HUNK: variants seen among roughly 807,000 people sequenced by gnomAD.
HUNK encodes the protein hormonally up-regulated neu tumor-associated kinase.
HUNK carries 21 observed loss-of-function variants against 61.0 expected under a neutral mutation model. The ratio of observed to expected loss-of-function variants is 0.34; its 90% CI spans 0.24 to 0.50. The LOEUF (loss-of-function observed/expected upper bound fraction) is 0.50, where lower values mean the gene tolerates loss of function less well. Ranked by LOEUF, HUNK falls within the 20% of genes least tolerant of loss-of-function variation. The pLI is 0.98. For missense variants in HUNK, 772 were observed against 945.7 expected (o/e 0.82, Z 2.41); for synonymous variants, 371 against 386.1 (o/e 0.96, Z 0.46).
intron 4 of HUNK, among the ~76,000 whole-genome samples, chr21:31,955,435 A>G (rs1390608212): frequency 2.6e-5 from 4 of 151,724 alleles, no homozygotes; most frequent in Non-Finnish European, 4.4e-5. Context: ...CGAAAAAAAA[A>G]AAAAAAATAG....
chr21:31,947,453 G>C (rs752510397), intron 4 of HUNK, among the ~76,000 whole-genome samples: 3 of 152,252 alleles, frequency 2.0e-5, no homozygotes, highest in African/African-American at 4.8e-5. Flanking sequence ...CTGCCAGGGA[G>C]TCCCCCGTAC....
chr21:31,917,513 C>A (rs1309170755), intron 1 of HUNK, among the ~76,000 whole-genome samples: 1 of 152,144 alleles, frequency 6.6e-6, no homozygotes, highest in Non-Finnish European at 1.5e-5. Flanking sequence ...TGCTACTAAT[C>A]TTCTTGGAAA....
At chr21:31,960,691 A>C (rs1021421728) in intron 5 of HUNK, among the ~76,000 whole-genome samples, 1 of 152,172 alleles carries the variant, frequency 6.6e-6, no homozygotes, top group Non-Finnish European at 1.5e-5. Flanking sequence ...AATCCTATTT[A>C]TAAAACCATC....
chr21:31,979,597 G>A (rs1164437218), intron 7 of HUNK, among the ~76,000 whole-genome samples: 3 of 128,664 alleles, frequency 2.3e-5, no homozygotes, highest in African/African-American at 8.9e-5. Flanking sequence ...CTCACTGCAA[G>A]CTCCGCCTCC....
chr21:31,892,107 TG>T (rs1421314960), intron 1 of HUNK, among the ~76,000 whole-genome samples: 6 of 141,286 alleles, frequency 4.2e-5, no homozygotes, highest in Admixed American at 3.7e-4. Context: ...ATCTGCAAAA[TG>T]GTGACAAAGA....
At chr21:31,915,604 T>C (rs757714398) in intron 1 of HUNK, among the ~76,000 whole-genome samples, 10 of 152,198 alleles carry the variant, frequency 6.6e-5, no homozygotes, top group Non-Finnish European at 1.3e-4. Context: ...CCATTTTACA[T>C]CTGACTTCTC....
chr21:31,909,611 A>G (rs976048169), intron 1 of HUNK, among the ~76,000 whole-genome samples: 1 of 152,216 alleles, frequency 6.6e-6, no homozygotes, highest in Admixed American at 6.5e-5. Flanking sequence ...GCCAGTGGGG[A>G]GCCAGGGGTC....
intron 7 of HUNK, 34 bp downstream of exon 7, chr21:31,974,751 G>C (rs896158217): frequency 9.0e-6 from 14 of 1,552,838 alleles, no homozygotes; most frequent in Non-Finnish European, 1.2e-5. Flanking sequence ...CGTCTCTGCT[G>C]TCTGTGGAAA....
At chr21:31,984,978 C>A (rs141992867) in intron 8 of HUNK, among the ~76,000 whole-genome samples, 2 of 152,132 alleles carry the variant, frequency 1.3e-5, no homozygotes, top group Non-Finnish European at 2.9e-5. Context: ...AGCAAAGTCA[C>A]GTCTTACATG....
chr21:31,890,136 T>G (rs2052375730), intron 1 of HUNK, among the ~76,000 whole-genome samples: 1 of 152,182 alleles, frequency 6.6e-6, no homozygotes, highest in South Asian at 2.1e-4. Flanking sequence ...AGTTGCCATC[T>G]AAATCATGGC....
chr21:31,968,842 TTGTGTGTG>T (rs56695834), intron 6 of HUNK, among the ~76,000 whole-genome samples: 23,828 of 140,456 alleles, frequency 0.17, 2,145 homozygotes, highest in South Asian at 0.27. Context: ...GTGTGTAAAT[TTGTGTGTG>T]TGTGTGTGTG....
At chr21:31,927,612 C>A (rs1033025787) in intron 2 of HUNK, among the ~76,000 whole-genome samples, 14 of 151,970 alleles carry the variant, frequency 9.2e-5, no homozygotes, top group African/African-American at 3.4e-4. Context: ...CCACTGCACT[C>A]CAGCCTGGAC....
intron 9 of HUNK, among the ~76,000 whole-genome samples, chr21:31,995,243 G>A (rs2053196434): frequency 1.3e-5 from 2 of 151,988 alleles, no homozygotes; most frequent in South Asian, 4.1e-4. Flanking sequence ...CACACGATTA[G>A]GGTAGAAAGG....
chr21:31,878,483 C>T (rs1249150229), intron 1 of HUNK, among the ~76,000 whole-genome samples: 1 of 151,684 alleles, frequency 6.6e-6, no homozygotes, highest in Non-Finnish European at 1.5e-5. Context: ...GCCTGTAATC[C>T]CAGCACTTTG....
chr21:31,889,943 T>C (rs1486490060), intron 1 of HUNK, among the ~76,000 whole-genome samples: 1 of 152,138 alleles, frequency 6.6e-6, no homozygotes, highest in East Asian at 1.9e-4. Flanking sequence ...TTTTAAAAAG[T>C]CTAATATAAA....
rs143467904 is a variant in HUNK at position 31,961,940 on chromosome 21, G to T, written c.874+2970G>T. On this transcript the variant is annotated intron_variant, in intron 5 of 10. Transcript: ENST00000270112. ...AACAATCAGCCCCCAAGTCTTAGTG[G>T]CTCAGGACCACAAAGGTTTATTTCT... 1.1e-3 allele frequency among the ~76,000 whole-genome samples: 162 copies of T among 152,290 alleles called. 1 individual carries two copies. Among genetic ancestry groups the T allele is most frequent in the African/African-American group, 3.6e-3 (149 of 41,566 alleles).
intron 2 of HUNK, among the ~76,000 whole-genome samples, chr21:31,927,386 G>A (rs1264354789): frequency 1.3e-5 from 2 of 151,764 alleles, no homozygotes; most frequent in East Asian, 3.9e-4. Flanking sequence ...GCTCACGCCT[G>A]CAATTCCAGC....
intron 5 of HUNK, among the ~76,000 whole-genome samples, chr21:31,965,420 T>C (rs1227467808): frequency 6.6e-6 from 1 of 151,678 alleles, no homozygotes; most frequent in Non-Finnish European, 1.5e-5. Flanking sequence ...TTTACCTATA[T>C]AACAAACCTG....
intron 9 of HUNK, among the ~76,000 whole-genome samples, chr21:31,993,172 G>A (rs557595736): frequency 2.0e-5 from 3 of 152,156 alleles, no homozygotes; most frequent in East Asian, 1.9e-4. Flanking sequence ...TGTCAGTGAC[G>A]GGAGAAATTT....
Sources: gnomAD v4.1 joint callset for allele counts (sites outside exome capture counted in the v4.1 genomes callset) on GRCh38, gnomAD v4.1.1 for gene constraint, MANE v1.5 for transcripts, NCBI Gene and HGNC (gene_info 2026-07-23, HGNC 2026-07-21) for gene names.